Variants in EZH1 observed in about 807,000 individuals in gnomAD.
The protein encoded by EZH1 is enhancer of zeste 1 polycomb repressive complex 2 subunit.
A neutral mutation model predicts 100.5 loss-of-function variants in EZH1; 33 were observed. The observed-to-expected ratio is 0.33, with a 90% confidence interval of 0.25 to 0.44. The LOEUF (loss-of-function observed/expected upper bound fraction) is 0.44, where lower values mean the gene tolerates loss of function less well. EZH1 is among the 20% of genes least tolerant of loss of function. EZH1 has a pLI of 1.00. For missense variants in EZH1, 475 were observed against 928.4 expected, an observed-to-expected ratio of 0.51 and a Z score of 6.35; for synonymous variants, 272 against 313.8, an observed-to-expected ratio of 0.87 and a Z score of 1.41.
chr17:42,704,685 TAGAG>T lies in EZH1; in HGVS notation c.1936-6_1936-3del. On this transcript the variant is annotated splice_region_variant and splice_polypyrimidine_tract_variant and intron_variant, in intron 17 of 20. Transcript: ENST00000428826. ...ATCAGCCTCATCCTGAGAGATGAGC[TAGAG>T]AGATAGACAAATAACAAATAGGAGT... 6.2e-7 allele frequency: 1 copy of T among 1,612,486 alleles called. No homozygotes were observed. The highest frequency in any genetic ancestry group is 8.5e-7 in the Non-Finnish European group (1 of 1,179,110).
intron 12 of EZH1, among the ~76,000 whole-genome samples, chr17:42,711,157 G>A (rs1050852366): frequency 9.9e-5 from 15 of 151,888 alleles, no homozygotes; most frequent in African/African-American, 3.4e-4. Flanking sequence ...CCAACATGGT[G>A]AAACCCCATC....
chr17:42,723,810 G>C (rs1006085451), intron 5 of EZH1, among the ~76,000 whole-genome samples: 1 of 152,162 alleles, frequency 6.6e-6, no homozygotes. Context: ...GCAGTATTTA[G>C]AGAGGAATGA....
At chr17:42,741,118 CTTTAG>C (rs1345223103) in intron 1 of EZH1, among the ~76,000 whole-genome samples, 2 of 152,206 alleles carry the variant, frequency 1.3e-5, no homozygotes, top group African/African-American at 2.4e-5. Flanking sequence ...TCTCTTTTCT[CTTTAG>C]TTTATTCTAT....
rs1250037875 is a variant in EZH1 at position 42,723,002 on chromosome 17, T to C, written c.367-87A>G. The stretch of plus-strand genomic sequence containing the variant: ...TAGTGGAATCTTTGCTGAGCTTTGT[T>C]TGTTGCTTGAGTCTCCTGAAAATGC... On this transcript the variant is annotated intron_variant, in intron 5 of 20. Transcript: ENST00000428826. 3 of 1,495,172 alleles carry C rather than the reference T, an allele frequency of 2.0e-6. No individual in the cohort carries two copies. In the East Asian group the frequency reaches 7.3e-5, roughly 37 times the overall value. 92.6% of individuals were successfully genotyped at this position (1,495,172 alleles called of 1,614,324 possible).
At chr17:42,716,901 T>C (rs778755199) in intron 10 of EZH1, among the ~76,000 whole-genome samples, 1 of 152,164 alleles carries the variant, frequency 6.6e-6, no homozygotes, top group Non-Finnish European at 1.5e-5. Context: ...TTTTTCCATG[T>C]TGACCAGGCT....
chr17:42,715,203 A>T (rs1405024371), intron 10 of EZH1, among the ~76,000 whole-genome samples: 1 of 143,370 alleles, frequency 7.0e-6, no homozygotes, highest in Non-Finnish European at 1.5e-5. Flanking sequence ...ATATGTATTT[A>T]TATATAATAT....
At chr17:42,727,222 TAACC>T (rs1474216531) in intron 4 of EZH1, among the ~76,000 whole-genome samples, 2 of 152,180 alleles carry the variant, frequency 1.3e-5, no homozygotes, top group African/African-American at 2.4e-5. Flanking sequence ...CTGTATCTAT[TAACC>T]TTAACCTTAT....
intron 10 of EZH1, among the ~76,000 whole-genome samples, chr17:42,715,336 A>G (rs2053581665): frequency 6.6e-6 from 1 of 150,750 alleles, no homozygotes; most frequent in African/African-American, 2.4e-5. Context: ...CAGTAGCATG[A>G]TCTCAGCTCA....
rs1272113304 is a variant in EZH1 at position 42,729,540 on chromosome 17, C to A, written c.-11-588G>T. Among the ~76,000 whole-genome samples the A allele has an allele frequency of 2.0e-5, 3 of 147,964 alleles. No individual in the cohort carries two copies. In the Admixed American group the frequency reaches 2.0e-4, roughly 10 times the overall value. On this transcript the variant is annotated intron_variant, in intron 2 of 20. Coordinates refer to ENST00000428826, the MANE Select transcript of EZH1 (RefSeq NM_001991.5). ...GGTCAGTAGTTCAAGACTAGCCTGG[C>A]CAACATAGTGAAACCCCGTCTCTAC...
At chr17:42,739,925 A>G (rs2054145665) in intron 1 of EZH1, among the ~76,000 whole-genome samples, 1 of 151,618 alleles carries the variant, frequency 6.6e-6, no homozygotes, top group Non-Finnish European at 1.5e-5. Flanking sequence ...CTGGGATCAC[A>G]GGTGCCCACC....
Position 42,708,101 on chromosome 17 carries a change from G to C in EZH1, c.1535-18C>G, listed in dbSNP as rs1459140413. ...AGAGTTATCTAGGAAAGAAAACAGAGGAGGATGCTGCTGTGACCATACTCT... is the reference window on the plus strand; with the variant it reads ...AGAGTTATCTAGGAAAGAAAACAGACGAGGATGCTGCTGTGACCATACTCT... On this transcript the variant is annotated intron_variant, in intron 14 of 20. Coordinates refer to ENST00000428826, the MANE Select transcript of EZH1 (RefSeq NM_001991.5). 3 of 1,587,338 alleles carry C rather than the reference G, an allele frequency of 1.9e-6. No individual in the cohort carries two copies. Among genetic ancestry groups the C allele is most frequent in the Non-Finnish European group, 2.6e-6 (3 of 1,167,502 alleles).
At chr17:42,739,812 C>G (rs1354140083) in intron 1 of EZH1, among the ~76,000 whole-genome samples, 1 of 150,204 alleles carries the variant, frequency 6.7e-6, no homozygotes, top group Admixed American at 6.6e-5. Context: ...GAGACAGAGT[C>G]TCGCGCTGTC....
chr17:42,737,456 A>C (rs1421244190), intron 1 of EZH1, among the ~76,000 whole-genome samples: 1 of 152,132 alleles, frequency 6.6e-6, no homozygotes, highest in East Asian at 1.9e-4. Context: ...TACAAAAATT[A>C]GTTGGGCATG....
chr17:42,719,757 A>C (rs1314694610), intron 7 of EZH1, among the ~76,000 whole-genome samples: 3 of 152,122 alleles, frequency 2.0e-5, no homozygotes, highest in African/African-American at 7.2e-5. Flanking sequence ...TAAATAATAG[A>C]TTTTAAAAAT....
At chr17:42,722,625 CAA>C (rs11298431) in intron 6 of EZH1, among the ~76,000 whole-genome samples, 168 bp downstream of exon 6, 2,648 of 104,090 alleles carry the variant, frequency 0.025, 66 homozygotes, top group South Asian at 0.11. Flanking sequence ...AACTCCGTCT[CAA>C]AAAAAAAAAA....
intron 11 of EZH1, 49 bp from the exon 12 acceptor site, chr17:42,712,534 T>C (rs200573693): frequency 1.9e-6 from 3 of 1,544,158 alleles, no homozygotes; most frequent in East Asian, 4.5e-5. Context: ...AATGCAGTTG[T>C]CATCAGTAGT....
intron 17 of EZH1, 102 bp downstream of exon 17, chr17:42,704,986 A>G: frequency 3.0e-6 from 3 of 1,006,812 alleles, no homozygotes; most frequent in Non-Finnish European, 4.6e-6. Flanking sequence ...AACACAGCTG[A>G]GTTATTTAGA....
intron 5 of EZH1, among the ~76,000 whole-genome samples, 196 bp downstream of exon 5, chr17:42,724,109 G>C (rs2053771036): frequency 6.6e-6 from 1 of 152,150 alleles, no homozygotes; most frequent in Non-Finnish European, 1.5e-5. Flanking sequence ...GCACACATCA[G>C]AGAGCATAAA....
Position 42,709,820 on chromosome 17 carries a change from A to G in EZH1, c.1493+26T>C, listed in dbSNP as rs2053440879. ...ACAGGGAACAGCCTGGCTGTAAAAC[A>G]AAACACTTTGTCCAACCCTTCTTGC... is the stretch of plus-strand genomic sequence containing the variant. On this transcript the variant is annotated intron_variant, in intron 13 of 20. Coordinates refer to ENST00000428826, the MANE Select transcript of EZH1 (RefSeq NM_001991.5). 6 of 1,611,784 alleles carry G rather than the reference A, an allele frequency of 3.7e-6. No individual in the cohort carries two copies. In the East Asian group the frequency reaches 1.3e-4, roughly 36 times the overall value.
Sources: gnomAD v4.1 joint callset for allele counts (sites outside exome capture counted in the v4.1 genomes callset) on GRCh38, gnomAD v4.1.1 for gene constraint, MANE v1.5 for transcripts, NCBI Gene and HGNC (gene_info 2026-07-23, HGNC 2026-07-21) for gene names.